Variants in FOCAD observed in about 807,000 individuals in gnomAD.
FOCAD encodes the protein focadhesin.
A neutral mutation model predicts 225.6 loss-of-function variants in FOCAD; 198 were observed. That is an observed-to-expected ratio of 0.88 (90% CI 0.78 to 0.99). The LOEUF is 0.99. Ranked by LOEUF, FOCAD falls within the 50% of genes least tolerant of loss-of-function variation. The probability of loss-of-function intolerance (pLI) is 0.00; values close to 1 mark genes in which losing one functional copy is unlikely to be tolerated. For missense variants in FOCAD, 2,713 were observed against 2,123.6 expected (o/e 1.28, Z -5.46); for synonymous variants, 897 against 755.0 (o/e 1.19, Z -3.08).
At chr9:20,668,545 G>T (rs1057091121) in intron 2 of FOCAD, among the ~76,000 whole-genome samples, 20 of 152,150 alleles carry the variant, frequency 1.3e-4, no homozygotes, top group Admixed American at 7.2e-4. Flanking sequence ...ATTACAGGGG[G>T]AGGAAAAGAA....
Position 20,764,897 on chromosome 9 carries a change from G to C in FOCAD, c.523G>C (p.Ala175Pro), listed in dbSNP as rs531535960. The C allele has an allele frequency of 6.2e-7, 1 of 1,613,894 alleles. No individual in the cohort carries two copies. The change falls in exon 7 of 44, where the codon GCA becomes CCA. Residue 175 changes from alanine to proline, a missense_variant. Coordinates refer to ENST00000338382, the MANE Select transcript of FOCAD (RefSeq NM_001375567.1). ...AGAAGTTTCATGCATTCAAATAATG[G>C]CACCATTTCTGTGGTATCTGTATTG... ...RLEVSCIQIM[A>P]PFLWYLYCEP...
chr9:20,829,508 A>C (rs1825275639), intron 15 of FOCAD, among the ~76,000 whole-genome samples: 1 of 152,078 alleles, frequency 6.6e-6, no homozygotes, highest in Non-Finnish European at 1.5e-5. Context: ...AATATTGAGC[A>C]TCTTTTCCTA....
At chr9:20,667,631 C>T (rs1262445338) in intron 2 of FOCAD, among the ~76,000 whole-genome samples, 2 of 152,206 alleles carry the variant, frequency 1.3e-5, no homozygotes, top group African/African-American at 2.4e-5. Context: ...CAGGAAACCA[C>T]TGCAGAAATT....
chr9:20,669,774 CA>C (rs200678190), intron 2 of FOCAD, among the ~76,000 whole-genome samples: 5 of 147,814 alleles, frequency 3.4e-5, no homozygotes, highest in African/African-American at 7.5e-5. Context: ...GACTTCATCT[CA>C]AAAAAAAAGA....
chr9:20,714,480 C>T (rs966363638), intron 1 of FOCAD, among the ~76,000 whole-genome samples: 1 of 151,850 alleles, frequency 6.6e-6, no homozygotes, highest in African/African-American at 2.4e-5. Context: ...CCCTGTTTTT[C>T]AAAATAATGT....
At chr9:20,897,987 T>C (rs1180732303) in intron 21 of FOCAD, among the ~76,000 whole-genome samples, 1 of 151,844 alleles carries the variant, frequency 6.6e-6, no homozygotes, top group Non-Finnish European at 1.5e-5. Flanking sequence ...TCCTTTATTT[T>C]TGAAGGATCA....
intron 4 of FOCAD, among the ~76,000 whole-genome samples, chr9:20,729,568 C>A (rs763588770): frequency 2.0e-5 from 3 of 152,130 alleles, no homozygotes; most frequent in East Asian, 3.8e-4. Context: ...CACAATTTAA[C>A]TTTCTGCTCA....
At chr9:20,689,214 A>G (rs143837291) in intron 1 of FOCAD, among the ~76,000 whole-genome samples, 3,881 of 152,296 alleles carry the variant, frequency 0.025, 169 homozygotes, top group African/African-American at 0.089. Flanking sequence ...TTTAGGGTGC[A>G]GATGGCGTGT....
At chr9:20,973,777 A>T (rs796715621) in intron 35 of FOCAD, among the ~76,000 whole-genome samples, 10,781 of 54,476 alleles carry the variant, frequency 0.2, no homozygotes, top group Middle Eastern at 0.26. Context: ...TCTGCAGCTG[A>T]TTTTTTCCTG....
Position 20,853,246 on chromosome 9 carries a change from G to A in FOCAD, c.1921-9332G>A, listed in dbSNP as rs189552902. 1.3e-4 allele frequency among the ~76,000 whole-genome samples: 20 copies of A among 151,816 alleles called. No homozygotes were observed. In the East Asian group the frequency reaches 3.7e-3, roughly 28 times the overall value. On this transcript the variant is annotated intron_variant, in intron 15 of 43. Transcript: ENST00000338382. Reference sequence around the variant, plus strand: ...TGCATTGGAAGATACTGTTCCTTGTGGAAGTATCCTAGGCACCTGTAATTT... The same window carrying A: ...TGCATTGGAAGATACTGTTCCTTGTAGAAGTATCCTAGGCACCTGTAATTT...
chr9:20,802,334 C>T (rs938825884), intron 11 of FOCAD, among the ~76,000 whole-genome samples: 1 of 151,922 alleles, frequency 6.6e-6, no homozygotes, highest in African/African-American at 2.4e-5. Context: ...ATTGGAGAAT[C>T]AAATAGCAGT....
rs548847735 is a variant in FOCAD at position 20,674,244 on chromosome 9, TTTA to T, written c.-78+15427_-78+15429del. Among the ~76,000 whole-genome samples the T allele has an allele frequency of 3.3e-5, 5 of 152,190 alleles. No homozygotes were observed. In the South Asian group the frequency reaches 6.2e-4, roughly 19 times the overall value. On this transcript the variant is annotated intron_variant, in intron 2 of 45. Transcript: ENST00000380249. ...TTACTTCTGAATTATTTTTCTACAT[TTTA>T]TTATTATTTATGCTATTGAGGTTAT...
chr9:20,851,089 G>T (rs1478113779), intron 15 of FOCAD, among the ~76,000 whole-genome samples: 1 of 151,356 alleles, frequency 6.6e-6, no homozygotes, highest in Non-Finnish European at 1.5e-5. Flanking sequence ...CCTTAAGTTG[G>T]TTTAAGTGTC....
rs1266296971 is a variant in FOCAD at position 20,767,190 on chromosome 9, T to C, written c.699+2117T>C. 2.6e-3 allele frequency among the ~76,000 whole-genome samples: 391 copies of C among 151,212 alleles called. 1 individual carries two copies. The highest frequency in any genetic ancestry group is 9.1e-3 in the African/African-American group (374 of 41,134). On this transcript the variant is annotated intron_variant, in intron 7 of 43. Transcript: ENST00000338382. ...TATGGCTGCATAGTATTCCATGGTG[T>C]ATATGTGCCACATTTTCTTAATCCA... is the stretch of plus-strand genomic sequence containing the variant.
At chr9:20,896,420 A>G (rs566812343) in intron 21 of FOCAD, among the ~76,000 whole-genome samples, 120 of 151,904 alleles carry the variant, frequency 7.9e-4, no homozygotes, top group African/African-American at 2.8e-3. Flanking sequence ...TCTGAAAGAG[A>G]CTGTTGGGAA....
chr9:20,975,895 A>G (rs931844173), intron 35 of FOCAD, among the ~76,000 whole-genome samples: 2 of 152,208 alleles, frequency 1.3e-5, no homozygotes, highest in Non-Finnish European at 2.9e-5. Flanking sequence ...AGTGGTTACT[A>G]GAGGTTAGGA....
chr9:20,962,849 A>T (rs1838880221), intron 35 of FOCAD, among the ~76,000 whole-genome samples: 1 of 152,130 alleles, frequency 6.6e-6, no homozygotes, highest in Non-Finnish European at 1.5e-5. Flanking sequence ...GCATTTCATT[A>T]TTTCTTTTTA....
At chr9:20,951,235 A>G (rs2132378058) in intron 34 of FOCAD, 137 bp downstream of exon 34, 1 of 672,020 alleles carries the variant, frequency 1.5e-6, no homozygotes, top group Non-Finnish European at 2.6e-6. Context: ...CGTCAGAGGG[A>G]AATGGTGTAT....
At chr9:20,888,358 C>G (rs953624030) in intron 21 of FOCAD, among the ~76,000 whole-genome samples, 4 of 151,848 alleles carry the variant, frequency 2.6e-5, no homozygotes, top group South Asian at 2.1e-4. Context: ...AGGCTGGTCT[C>G]AAACTCCTGA....
Sources: allele counts gnomAD v4.1 joint callset (sites outside exome capture counted in the v4.1 genomes callset), GRCh38; gene constraint gnomAD v4.1.1; transcripts MANE v1.5; gene names NCBI Gene and HGNC (gene_info 2026-07-23, HGNC 2026-07-21).